SAP18: variants seen among roughly 807,000 people sequenced by gnomAD.
SAP18 encodes Sin3A associated protein 18.
Under a neutral mutation model 18.6 loss-of-function variants are expected in SAP18, and 4 were observed. The ratio of observed to expected loss-of-function variants is 0.21; its 90% confidence interval spans 0.11 to 0.49. The LOEUF is 0.49. Ranked by LOEUF, SAP18 falls within the 20% of genes least tolerant of loss-of-function variation. The pLI is 0.98. For synonymous variants in SAP18, 112 were observed against 82.8 expected, an observed-to-expected ratio of 1.35 and a Z score of -1.92; for missense variants, 170 against 226.4, an observed-to-expected ratio of 0.75 and a Z score of 1.60.
chr13:21,145,130 G>A (rs553489056), intron 2 of SAP18, among the ~76,000 whole-genome samples: 202 of 147,766 alleles, frequency 1.4e-3, no homozygotes, highest in Non-Finnish European at 2.2e-3. Flanking sequence ...GCAGTGGCGC[G>A]ATCTCGGCTC....
At chr13:21,140,753 C>T (rs1869434885) in intron 1 of SAP18, 72 bp downstream of exon 1, 2 of 1,594,762 alleles carry the variant, frequency 1.3e-6, no homozygotes. Flanking sequence ...GAGGCGCGGC[C>T]TGTGTGCTGG....
At chr13:21,148,823 G>A (rs1248027988) in exon 4 of SAP18, 1 of 152,166 alleles carries the variant, frequency 6.6e-6, no homozygotes, top group Non-Finnish European at 1.5e-5. Context: ...CTAAATAAAG[G>A]ACTTTGTAAG....
At chr13:21,145,285 G>T (rs779625684) in intron 2 of SAP18, among the ~76,000 whole-genome samples, 1 of 151,960 alleles carries the variant, frequency 6.6e-6, no homozygotes, top group Non-Finnish European at 1.5e-5. Flanking sequence ...TGTGTATAAG[G>T]TATGTTTGAA....
chr13:21,145,164 A>G (rs1005747171), intron 2 of SAP18, among the ~76,000 whole-genome samples: 7 of 146,384 alleles, frequency 4.8e-5, no homozygotes, highest in African/African-American at 1.5e-4. Context: ...CCTCCCAGGT[A>G]TAAGCGATTC....
intron 2 of SAP18, chr13:21,141,324 A>G (rs2086322962): frequency 5.8e-6 from 2 of 343,278 alleles, no homozygotes; most frequent in Non-Finnish European, 1.1e-5. Context: ...ACTCATAGTC[A>G]AATAAATTGC....
exon 1 of SAP18, chr13:21,140,593 C>T (rs1869421279): frequency 3.7e-6 from 6 of 1,609,938 alleles, no homozygotes; most frequent in Non-Finnish European, 5.1e-6. Context: ...GAGCGTCTCG[C>T]AGGCCGTAGG....
At chr13:21,141,764 T>G (rs1477139377) in intron 2 of SAP18, 1 of 152,118 alleles carries the variant, frequency 6.6e-6, no homozygotes, top group African/African-American at 2.4e-5. Flanking sequence ...CCTCCTGGAT[T>G]CAATTGATTC....
intron 2 of SAP18, among the ~76,000 whole-genome samples, chr13:21,146,102 T>C (rs1394313821): frequency 1.3e-5 from 2 of 152,184 alleles, no homozygotes; most frequent in East Asian, 3.9e-4. Flanking sequence ...ATCCCAGCAC[T>C]TTGGGAGGCC....
At chr13:21,144,777 G>A (rs1367242592) in intron 2 of SAP18, among the ~76,000 whole-genome samples, 6 of 152,134 alleles carry the variant, frequency 3.9e-5, no homozygotes, top group Admixed American at 1.3e-4. Flanking sequence ...CCAATTGTTG[G>A]TCTGGAAAGA....
intron 2 of SAP18, chr13:21,141,254 T>C (rs148824948): frequency 2.3e-5 from 12 of 530,046 alleles, no homozygotes; most frequent in African/African-American, 7.6e-5. Context: ...GTCACTGTTA[T>C]GGCTGCTAGG....
intron 1 of SAP18, 42 bp downstream of exon 1, chr13:21,140,723 G>C (rs1565985455): frequency 1.2e-5 from 20 of 1,600,934 alleles, no homozygotes; most frequent in African/African-American, 2.7e-5. Context: ...AGAGGTTGGG[G>C]ATGAGTCCCG....
chr13:21,148,423 GAC>G (rs1173334111), exon 4 of SAP18: 1 of 152,004 alleles, frequency 6.6e-6, no homozygotes, highest in African/African-American at 2.4e-5. Context: ...TGAACAGTAC[GAC>G]AGTGTATTGT....
At chr13:21,140,553 A>G (rs746060471) in exon 1 of SAP18, 4 of 1,588,356 alleles carry the variant, frequency 2.5e-6, no homozygotes, top group South Asian at 2.3e-5. Flanking sequence ...CTTAGTGCTC[A>G]TGCTCGCTGC....
At chr13:21,140,487 AC>A, upstream of SAP18, 1 of 1,489,666 alleles carries the variant, frequency 6.7e-7, no homozygotes, top group Non-Finnish European at 9.0e-7. Context: ...GCGCCAGGAG[AC>A]GCCCCGCCCA....
At chr13:21,142,398 C>T (rs540068806) in intron 2 of SAP18, among the ~76,000 whole-genome samples, 126 of 151,928 alleles carry the variant, frequency 8.3e-4, no homozygotes, top group Admixed American at 1.4e-3. Flanking sequence ...GTGATCTCAG[C>T]TCACTGCAAC....
At chr13:21,147,077 G>C in intron 3 of SAP18, 109 bp from the exon 4 acceptor site, 1 of 1,433,632 alleles carries the variant, frequency 7.0e-7, no homozygotes, top group Non-Finnish European at 9.5e-7. Flanking sequence ...GTTAAATTTT[G>C]GAAGTGTGTT....
chr13:21,142,553 CTGACCTCAA>C (rs1407825561), intron 2 of SAP18, among the ~76,000 whole-genome samples: 2 of 151,742 alleles, frequency 1.3e-5, no homozygotes, highest in African/African-American at 4.9e-5. Flanking sequence ...TCTCGAACTC[CTGACCTCAA>C]GTGATCCACC....
At chr13:21,144,705 G>A (rs1011126118) in intron 2 of SAP18, among the ~76,000 whole-genome samples, 5 of 152,164 alleles carry the variant, frequency 3.3e-5, no homozygotes, top group African/African-American at 9.7e-5. Flanking sequence ...GCTGACACAA[G>A]TACTGAACCC....
At chr13:21,145,900 A>T (rs1869633459) in intron 2 of SAP18, among the ~76,000 whole-genome samples, 1 of 152,172 alleles carries the variant, frequency 6.6e-6, no homozygotes, top group Non-Finnish European at 1.5e-5. Flanking sequence ...AGCTCAGGGG[A>T]CTATATGAAA....
Sources: gnomAD v4.1 joint callset for allele counts (sites outside exome capture counted in the v4.1 genomes callset) on GRCh38, gnomAD v4.1.1 for gene constraint, MANE v1.5 for transcripts, NCBI Gene and HGNC (gene_info 2026-07-23, HGNC 2026-07-21) for gene names.